The following TTC1 variants were observed in gnomAD, a reference collection of about 807,000 sequenced individuals.
TTC1 encodes tetratricopeptide repeat domain 1.
In TTC1, 31 loss-of-function variants were observed where a neutral mutation model predicts 37.6. That is an observed-to-expected ratio of 0.82 (90% CI 0.62 to 1.11). TTC1 has a LOEUF of 1.11. Among genes scored for constraint, TTC1 ranks in the 50% most tolerant of loss-of-function variants. The pLI is 0.00. For synonymous variants in TTC1, 127 were observed against 122.4 expected, an observed-to-expected ratio of 1.04 and a Z score of -0.25; for missense variants, 351 against 339.0, an observed-to-expected ratio of 1.04 and a Z score of -0.28.
chr5:160,033,142 A>C (rs553525050), intron 2 of TTC1, among the ~76,000 whole-genome samples: 20 of 152,256 alleles, frequency 1.3e-4, no homozygotes, highest in African/African-American at 4.6e-4. Context: ...TTTTGCTTGC[A>C]TCCAGTAACC....
intron 2 of TTC1, among the ~76,000 whole-genome samples, chr5:160,029,976 A>G (rs1042509684): frequency 6.6e-6 from 1 of 152,224 alleles, no homozygotes; most frequent in Non-Finnish European, 1.5e-5. Context: ...TGAGGGCCAA[A>G]AAGCGCTCTA....
At chr5:160,046,751 C>T (rs1039907387) in intron 5 of TTC1, among the ~76,000 whole-genome samples, 1 of 152,136 alleles carries the variant, frequency 6.6e-6, no homozygotes, top group Non-Finnish European at 1.5e-5. Context: ...CAGTGGCTCA[C>T]GCCTGTAATC....
chr5:160,052,548 CAA>C (rs557157232), intron 7 of TTC1, among the ~76,000 whole-genome samples: 31 of 68,094 alleles, frequency 4.6e-4, no homozygotes, highest in East Asian at 4.2e-3. Flanking sequence ...TCTATTTTAG[CAA>C]AAAAAAAAAA....
chr5:160,025,790 G>A (rs969438976), intron 2 of TTC1, among the ~76,000 whole-genome samples: 28 of 152,270 alleles, frequency 1.8e-4, no homozygotes, highest in African/African-American at 6.5e-4. Flanking sequence ...TTATTTAAAA[G>A]ATAGGGTCTA....
At chr5:160,037,270 C>T (rs1159822670) in intron 4 of TTC1, among the ~76,000 whole-genome samples, 3 of 152,178 alleles carry the variant, frequency 2.0e-5, no homozygotes, top group Non-Finnish European at 2.9e-5. Context: ...TCTCCAACAG[C>T]TGGGATAAAA....
At chr5:160,023,347 A>G (rs1354954068) in intron 2 of TTC1, among the ~76,000 whole-genome samples, 1 of 144,668 alleles carries the variant, frequency 6.9e-6, no homozygotes, top group Admixed American at 7.0e-5. Context: ...GCTGGAGTGC[A>G]GTGACGCAAT....
intron 4 of TTC1, among the ~76,000 whole-genome samples, chr5:160,040,786 T>A (rs75164927): frequency 2.0e-5 from 3 of 151,788 alleles, no homozygotes; most frequent in South Asian, 4.2e-4. Flanking sequence ...TTTTTTTTTT[T>A]AATTTTTTTA....
intron 6 of TTC1, among the ~76,000 whole-genome samples, 197 bp downstream of exon 6, chr5:160,049,859 C>T (rs1757355702): frequency 6.6e-6 from 1 of 152,022 alleles, no homozygotes. Flanking sequence ...GGAGAGATCA[C>T]TTGAGGCCAG....
chr5:160,045,454 C>CCACACACACACACACACA (rs57919333), intron 5 of TTC1, among the ~76,000 whole-genome samples: 3 of 38,878 alleles, frequency 7.7e-5, no homozygotes, highest in Non-Finnish European at 1.4e-4. Flanking sequence ...CCCCCACCCT[C>CCACACACACACACACACA]CACACACACA....
intron 4 of TTC1, among the ~76,000 whole-genome samples, chr5:160,041,208 TAGA>T (rs1367491873): frequency 2.0e-5 from 3 of 152,076 alleles, no homozygotes; most frequent in Admixed American, 6.6e-5. Flanking sequence ...TTTTTTTTAG[TAGA>T]AGGAGTACAC....
At chr5:160,061,155 C>T (rs565008288) in intron 7 of TTC1, among the ~76,000 whole-genome samples, 9 of 152,356 alleles carry the variant, frequency 5.9e-5, no homozygotes, top group Non-Finnish European at 1.0e-4. Context: ...ACACACAGCT[C>T]GCCTGCCTAT....
At chr5:160,047,181 G>A (rs1463389052) in intron 5 of TTC1, among the ~76,000 whole-genome samples, 1 of 152,076 alleles carries the variant, frequency 6.6e-6, no homozygotes, top group African/African-American at 2.4e-5. Context: ...GTAGTCTAGT[G>A]TCCTGTATCC....
At chr5:160,012,266 C>G (rs1561623587) in intron 2 of TTC1, among the ~76,000 whole-genome samples, 6 of 152,074 alleles carry the variant, frequency 3.9e-5, no homozygotes, top group Admixed American at 2.6e-4. Flanking sequence ...TGGTTTGGCT[C>G]AAGGTGTCAC....
At chr5:160,050,223 G>C (rs1425290686) in intron 6 of TTC1, among the ~76,000 whole-genome samples, 4 of 151,836 alleles carry the variant, frequency 2.6e-5, no homozygotes, top group African/African-American at 9.7e-5. Context: ...CGAGGAGGGC[G>C]GATCACCTGA....
intron 2 of TTC1, among the ~76,000 whole-genome samples, chr5:160,025,396 A>G (rs1008896815): frequency 5.9e-5 from 9 of 152,146 alleles, no homozygotes; most frequent in African/African-American, 2.2e-4. Context: ...TCTTGAGCTC[A>G]AGCAATCCAC....
chr5:160,013,016 T>A (rs916770172), intron 2 of TTC1, among the ~76,000 whole-genome samples: 15 of 152,244 alleles, frequency 9.9e-5, no homozygotes, highest in Admixed American at 9.2e-4. Context: ...GTAGTATTCA[T>A]GTTTAAAACA....
At chr5:160,046,946 AG>A (rs1757266689) in intron 5 of TTC1, among the ~76,000 whole-genome samples, 1 of 152,148 alleles carries the variant, frequency 6.6e-6, no homozygotes, top group Non-Finnish European at 1.5e-5. Flanking sequence ...TGGGAGGTGG[AG>A]GTTGCAGTGA....
At chr5:160,050,756 G>C (rs1031565191) in intron 6 of TTC1, among the ~76,000 whole-genome samples, 1 of 151,268 alleles carries the variant, frequency 6.6e-6, no homozygotes, top group African/African-American at 2.4e-5. Flanking sequence ...CTCCTGAGTA[G>C]CTGCGACTAC....
intron 5 of TTC1, among the ~76,000 whole-genome samples, chr5:160,045,379 A>T (rs1757188163): frequency 6.6e-6 from 1 of 150,576 alleles, no homozygotes. Flanking sequence ...GGATACATGC[A>T]TTGTATTCAT....
Sources: allele counts gnomAD v4.1 joint callset (sites outside exome capture counted in the v4.1 genomes callset), GRCh38; gene constraint gnomAD v4.1.1; transcripts MANE v1.5; gene names NCBI Gene and HGNC (gene_info 2026-07-23, HGNC 2026-07-21).